The following CTNNA2 variants were observed in gnomAD, a reference collection of about 807,000 sequenced individuals.
The protein encoded by CTNNA2 is catenin alpha-2.
Under a neutral mutation model 101.0 loss-of-function variants are expected in CTNNA2, and 42 were observed. The ratio of observed to expected loss-of-function variants is 0.42; its 90% CI spans 0.32 to 0.54. The LOEUF (loss-of-function observed/expected upper bound fraction) is 0.54. Among genes scored for constraint, CTNNA2 ranks in the 20% least tolerant of loss-of-function variants. CTNNA2 has a pLI of 0.14. For missense variants in CTNNA2, 871 were observed against 1,223.1 expected, an observed-to-expected ratio of 0.71 and a Z score of 4.29; for synonymous variants, 450 against 456.4, an observed-to-expected ratio of 0.99 and a Z score of 0.18.
intron 7 of CTNNA2, among the ~76,000 whole-genome samples, chr2:80,301,358 TA>T (rs1417206103): frequency 6.6e-6 from 1 of 152,004 alleles, no homozygotes; most frequent in African/African-American, 2.4e-5. Flanking sequence ...TAACAGGGGG[TA>T]CAAGAAGGGC....
chr2:80,253,137 A>G (rs1671889914), intron 7 of CTNNA2, among the ~76,000 whole-genome samples: 1 of 152,124 alleles, frequency 6.6e-6, no homozygotes, highest in African/African-American at 2.4e-5. Context: ...AAACAAGTGG[A>G]AAAGTACACC....
chr2:79,879,241 A>T (rs1019573684), intron 6 of CTNNA2, among the ~76,000 whole-genome samples: 4 of 152,178 alleles, frequency 2.6e-5, no homozygotes, highest in Non-Finnish European at 5.9e-5. Flanking sequence ...GTTTGAAGTC[A>T]GGTAGCATGA....
rs114419093 is a variant in CTNNA2 at position 80,266,775 on chromosome 2, T to A, written c.1057-126436T>A. 4.1e-3 allele frequency among the ~76,000 whole-genome samples: 628 copies of A among 152,306 alleles called. 4 individuals are homozygous for A. The highest frequency in any genetic ancestry group is 0.014 in the African/African-American group (591 of 41,566). On this transcript the variant is annotated intron_variant, in intron 7 of 18. Coordinates refer to ENST00000402739, the MANE Select transcript of CTNNA2 (RefSeq NM_001282597.3). ...AAGTATACCGAGGGAATGAGCCGCT[T>A]ATGCAGAATGAGAGATCTGTGTGTG...
chr2:79,907,684 C>A (rs1463565871), intron 6 of CTNNA2, among the ~76,000 whole-genome samples: 2 of 152,082 alleles, frequency 1.3e-5, no homozygotes, highest in Admixed American at 1.3e-4. Context: ...CTTTTTCATC[C>A]GTTTTCTAAG....
In CTNNA2 at chr2:79,651,547, C is replaced by T; in HGVS notation, c.-5-5C>T. 5 of 1,612,138 alleles carry T rather than the reference C, an allele frequency of 3.1e-6. No homozygotes were observed. The highest frequency in any genetic ancestry group is 4.2e-6 in the Non-Finnish European group (5 of 1,178,456). ...ATTTCTAACTGATTACATGTGTTCC[C>T]ATAGGGAGCATGACTTCGGCAACTT... is the stretch of plus-strand genomic sequence containing the variant. On this transcript the variant is annotated splice_polypyrimidine_tract_variant and splice_region_variant and intron_variant, in intron 1 of 18. Coordinates refer to ENST00000402739, the MANE Select transcript of CTNNA2 (RefSeq NM_001282597.3).
At chr2:80,343,501 A>G (rs939812170) in intron 7 of CTNNA2, among the ~76,000 whole-genome samples, 42 of 151,730 alleles carry the variant, frequency 2.8e-4, no homozygotes, top group Admixed American at 2.6e-4. Context: ...GGGAAGTTTT[A>G]TTATCCTCTG....
In CTNNA2 at chr2:80,335,032, A is replaced by T. The variant is rs368987132; in HGVS notation, c.1057-58179A>T. ...AATTAAGAAAGAAAGGAGTACAATG[A>T]CAGAGAGGTGACTTTCAGATGGGTT... On this transcript the variant is annotated intron_variant, in intron 7 of 18. Transcript: ENST00000402739. Among the ~76,000 whole-genome samples, 8 of 152,342 alleles carry T rather than the reference A, an allele frequency of 5.3e-5. No homozygotes were observed. The East Asian group carries it at 1.5e-3, about 29-fold the overall frequency.
chr2:80,230,133 T>A lies in CTNNA2; in HGVS notation c.1057-163078T>A, dbSNP rs1298617448. ...GCTGTACCATCTAGGTTTGTGTAAG[T>A]ACACTCTATGATGTTCACACAAAAA... On this transcript the variant is annotated intron_variant, in intron 7 of 18. Coordinates refer to ENST00000402739, the MANE Select transcript of CTNNA2 (RefSeq NM_001282597.3). Among the ~76,000 whole-genome samples the A allele has an allele frequency of 3.9e-5, 6 of 152,142 alleles. No homozygotes were observed. In the South Asian group the frequency reaches 1.2e-3, roughly 31 times the overall value.
At chr2:80,559,878 T>TATCTATCTATCTATCTC (rs1693393440) in intron 12 of CTNNA2, among the ~76,000 whole-genome samples, 1 of 113,936 alleles carries the variant, frequency 8.8e-6, no homozygotes, top group African/African-American at 3.0e-5. Flanking sequence ...GATATCATAT[T>TATCTATCTATCTATCTC]TATATATATA....
At chr2:80,305,297 T>C in intron 7 of CTNNA2, 2 of 985,284 alleles carry the variant, frequency 2.0e-6, no homozygotes, top group Non-Finnish European at 2.4e-6. Flanking sequence ...CAAGTCCCGG[T>C]GGTGTGAGAT....
chr2:79,469,422 G>A (rs1372666435), intron 4 of CTNNA2, among the ~76,000 whole-genome samples: 3 of 152,080 alleles, frequency 2.0e-5, no homozygotes, highest in Non-Finnish European at 4.4e-5. Flanking sequence ...AGGACCAGAC[G>A]GATTCACAGC....
intron 3 of CTNNA2, among the ~76,000 whole-genome samples, chr2:79,793,888 G>GCGCACACA (rs1553469157): frequency 2.1e-5 from 3 of 142,624 alleles, no homozygotes; most frequent in African/African-American, 7.8e-5. Flanking sequence ...ACACACTCAT[G>GCGCACACA]CACACACACA....
Position 80,303,869 on chromosome 2 carries a change from G to T in CTNNA2, c.1057-89342G>T. On this transcript the variant is annotated intron_variant, in intron 7 of 18. Transcript: ENST00000402739. This position sits in a 1 kb window ranked among gnomAD's most constrained non-coding sequence, Gnocchi z 7.7. ...TGGAGAATGTCCATTGGAAGCGCTC[G>T]GTCAGAAATCTACATCATATTTTAT... is the stretch of plus-strand genomic sequence containing the variant. 1 of 1,475,090 alleles carries T rather than the reference G, an allele frequency of 6.8e-7. No individual in the cohort carries two copies. Among genetic ancestry groups the T allele is most frequent in the East Asian group, 2.3e-5 (1 of 42,640 alleles). The allele number at this position is 1,475,090 out of a possible 1,614,324, so 91.4% of individuals were successfully genotyped here.
chr2:79,668,350 A>AT (rs1334875769), intron 2 of CTNNA2, among the ~76,000 whole-genome samples: 7 of 149,036 alleles, frequency 4.7e-5, no homozygotes, highest in South Asian at 2.1e-4. Flanking sequence ...AGCCAGGTGG[A>AT]TTTTTTGTGA....
intron 1 of CTNNA2, among the ~76,000 whole-genome samples, chr2:79,513,831 C>G (rs1300366205): frequency 1.3e-5 from 2 of 152,110 alleles, no homozygotes; most frequent in African/African-American, 4.8e-5. Context: ...TTACATATTT[C>G]CAGTGTGTGT....
At chr2:79,247,967 TC>T (rs1480767680) in intron 2 of CTNNA2, among the ~76,000 whole-genome samples, 2 of 152,224 alleles carry the variant, frequency 1.3e-5, no homozygotes, top group African/African-American at 4.8e-5. Context: ...ATTTCATAGT[TC>T]TGGCTTCCAG....
chr2:80,138,656 C>T lies in CTNNA2; in HGVS notation c.1056+228859C>T, dbSNP rs527251096. Among the ~76,000 whole-genome samples the T allele has an allele frequency of 4.6e-5, 7 of 152,078 alleles. No homozygotes were observed. The South Asian group carries it at 8.3e-4, about 18-fold the overall frequency. The stretch of plus-strand genomic sequence containing the variant: ...AACACAGGTTGAGCAGCTGGACTGC[C>T]TGAGTTCATATTCTGGTTTCATCCT... On this transcript the variant is annotated intron_variant, in intron 7 of 18. Coordinates refer to ENST00000402739, the MANE Select transcript of CTNNA2 (RefSeq NM_001282597.3).
intron 9 of CTNNA2, among the ~76,000 whole-genome samples, chr2:80,452,015 A>T (rs1385500926): frequency 6.6e-6 from 1 of 152,258 alleles, no homozygotes; most frequent in African/African-American, 2.4e-5. Context: ...ATATCAAAGC[A>T]TATTAAATAG....
intron 7 of CTNNA2, among the ~76,000 whole-genome samples, chr2:79,970,543 G>A (rs771272054): frequency 4.6e-5 from 7 of 152,158 alleles, no homozygotes; most frequent in Non-Finnish European, 8.8e-5. Context: ...GGGGCTGCAT[G>A]TTTTGCTCCG....
Sources: allele counts gnomAD v4.1 joint callset (sites outside exome capture counted in the v4.1 genomes callset), GRCh38; gene constraint gnomAD v4.1.1; non-coding constraint Gnocchi (gnomAD v3.1); transcripts MANE v1.5; gene names NCBI Gene and HGNC (gene_info 2026-07-23, HGNC 2026-07-21).